Variants in HEPHL1 observed in about 807,000 individuals in gnomAD.
HEPHL1 encodes ferroxidase HEPHL1.
A neutral mutation model predicts 122.0 loss-of-function variants in HEPHL1; 123 were observed. The observed-to-expected ratio is 1.01, with a 90% confidence interval of 0.87 to 1.17. HEPHL1 has a LOEUF of 1.17. Among genes scored for constraint, HEPHL1 ranks in the 50% most tolerant of loss-of-function variants. The pLI is 0.00. For synonymous variants in HEPHL1, 527 were observed against 508.9 expected (o/e 1.04, Z -0.48); for missense variants, 1,452 against 1,430.5 (o/e 1.01, Z -0.24).
At chr11:94,030,368 A>C (rs1945662417) in intron 1 of HEPHL1, among the ~76,000 whole-genome samples, 1 of 152,208 alleles carries the variant, frequency 6.6e-6, no homozygotes, top group South Asian at 2.1e-4. Context: ...CTTTAACAGA[A>C]TCCTGAAAAA....
At chr11:94,105,704 G>A (rs1269956159) in intron 16 of HEPHL1, among the ~76,000 whole-genome samples, 2 of 152,154 alleles carry the variant, frequency 1.3e-5, no homozygotes, top group Non-Finnish European at 2.9e-5. Flanking sequence ...CAATGAGACT[G>A]TATTTCCCTT....
At chr11:94,092,073 C>G (rs929139529) in intron 12 of HEPHL1, among the ~76,000 whole-genome samples, 4 of 151,980 alleles carry the variant, frequency 2.6e-5, no homozygotes, top group Admixed American at 6.6e-5. Flanking sequence ...GAATAGAGGG[C>G]AAAGAGGAGT....
chr11:94,102,810 A>G (rs1946377922), intron 14 of HEPHL1, 104 bp from the exon 15 acceptor site: 2 of 630,404 alleles, frequency 3.2e-6, no homozygotes, highest in Non-Finnish European at 5.6e-6. Context: ...CTCTCCAGCA[A>G]TAAACATTAA....
chr11:94,085,931 C>A (rs1173382482), intron 10 of HEPHL1, 46 bp from the exon 11 acceptor site: 3 of 1,355,270 alleles, frequency 2.2e-6, no homozygotes, highest in Admixed American at 3.4e-5. Context: ...GCTCCCCTGC[C>A]CCATACACAC....
chr11:94,092,067 A>G (rs1283641806), intron 12 of HEPHL1, among the ~76,000 whole-genome samples: 1 of 152,204 alleles, frequency 6.6e-6, no homozygotes, highest in Non-Finnish European at 1.5e-5. Flanking sequence ...GTGTGTGAAT[A>G]GAGGGCAAAG....
At position 94,067,644 on chromosome 11, in the gene HEPHL1, G is replaced by C. The variant is rs778772903; in HGVS notation, c.957G>C (p.Arg319=). 2 of 1,613,794 alleles carry C rather than the reference G, an allele frequency of 1.2e-6. No individual in the cohort carries two copies. Among genetic ancestry groups the C allele is most frequent in the Non-Finnish European group, 1.7e-6 (2 of 1,179,760 alleles). The change falls in exon 5 of 20, where the codon CGG becomes CGC. Residue 319 remains arginine, a synonymous_variant. Transcript: ENST00000315765. Reference sequence around the variant, plus strand: ...ACACCTTCATCAGCAGAGGGCATCGGACTGATGTCGTCAACCTGTTCCCAG... The same window carrying C: ...ACACCTTCATCAGCAGAGGGCATCGCACTGATGTCGTCAACCTGTTCCCAG... The part of the protein sequence containing the change: ...YGNTFISRGH[R]TDVVNLFPAT...
chr11:94,028,127 A>G (rs1945642241), intron 1 of HEPHL1, among the ~76,000 whole-genome samples: 1 of 152,182 alleles, frequency 6.6e-6, no homozygotes, highest in South Asian at 2.1e-4. Flanking sequence ...CCTGCCCTCT[A>G]CACAGACATG....
At chr11:94,089,029 A>G (rs1946242750) in intron 12 of HEPHL1, 61 bp downstream of exon 12, 5 of 1,447,474 alleles carry the variant, frequency 3.5e-6, no homozygotes, top group South Asian at 1.1e-5. Context: ...GTAGGTCTTT[A>G]GTAAGTGTGG....
At chr11:94,089,017 C>G in intron 12 of HEPHL1, 49 bp downstream of exon 12, 3 of 1,524,158 alleles carry the variant, frequency 2.0e-6, no homozygotes, top group Non-Finnish European at 2.7e-6. Context: ...CGCGCATGCT[C>G]CGTAGGTCTT....
In HEPHL1 at chr11:94,111,843, G is replaced by A; in HGVS notation, c.3429G>A (p.Gln1143=). 1 of 1,535,450 alleles carries A rather than the reference G, an allele frequency of 6.5e-7. No homozygotes were observed. The highest frequency in any genetic ancestry group is 8.7e-7 in the Non-Finnish European group (1 of 1,143,878). ...LSLRLCSAMK[Q]TDYQQVQSCA... ...TCAGACTCTGCTCTGCAATGAAGCA[G>A]ACAGATTACCAGCAAGTCCAGTCCT... The change falls in exon 20 of 20, where the codon CAG becomes CAA. Residue 1143 remains glutamine (Q), a synonymous_variant. Transcript: ENST00000315765.
At chr11:94,088,145 A>ATCAGAT (rs1317114205) in intron 11 of HEPHL1, among the ~76,000 whole-genome samples, 1 of 152,220 alleles carries the variant, frequency 6.6e-6, no homozygotes, top group African/African-American at 2.4e-5. Flanking sequence ...TGTCAGTATT[A>ATCAGAT]TGTAGAAAAA....
At chr11:94,085,922 C>A in intron 10 of HEPHL1, 55 bp from the exon 11 acceptor site, 1 of 1,250,580 alleles carries the variant, frequency 8.0e-7, no homozygotes, top group Non-Finnish European at 1.2e-6. Flanking sequence ...ATATTTGAAG[C>A]TCCCCTGCCC....
chr11:94,045,968 GGTAACT>G lies in HEPHL1; in HGVS notation c.415+54_415+59del, dbSNP rs1945832529. 3.2e-6 allele frequency: 5 copies of G among 1,559,466 alleles called. No homozygotes were observed. The Admixed American group carries it at 5.3e-5, about 16-fold the overall frequency. On this transcript the variant is annotated intron_variant, in intron 2 of 19. Transcript: ENST00000315765. Reference sequence around the variant, plus strand: ...GGTCTTGTCTCTATTTCATAAGTAAGGTAACTGTCAGAGTTAAAGAGATTTTAGGAG... The same window carrying G: ...GGTCTTGTCTCTATTTCATAAGTAAGGTCAGAGTTAAAGAGATTTTAGGAG...
In HEPHL1 at chr11:94,045,920, A is replaced by C; in HGVS notation, c.415+3A>C. ...TTTCTACAACAAAGATTCAGAAGGT[A>C]AATATCAATCCTTTATTACTGGGGT... On this transcript the variant is annotated splice_donor_region_variant and intron_variant, in intron 2 of 19. Transcript: ENST00000315765. 1 of 1,613,400 alleles carries C rather than the reference A, an allele frequency of 6.2e-7. No homozygotes were observed. The highest frequency in any genetic ancestry group is 2.2e-5 in the East Asian group (1 of 44,868).
chr11:94,078,195 A>T (rs1946141444), intron 9 of HEPHL1, among the ~76,000 whole-genome samples: 1 of 152,118 alleles, frequency 6.6e-6, no homozygotes, highest in Non-Finnish European at 1.5e-5. Flanking sequence ...AAGTTTAGTT[A>T]GCAGAAAATG....
chr11:94,091,041 A>C (rs954466691), intron 12 of HEPHL1, among the ~76,000 whole-genome samples: 1 of 152,208 alleles, frequency 6.6e-6, no homozygotes, highest in Non-Finnish European at 1.5e-5. Context: ...TTGTATTCCT[A>C]GTACTCCTGA....
chr11:94,092,124 C>G (rs745747732), intron 12 of HEPHL1, among the ~76,000 whole-genome samples: 1 of 152,116 alleles, frequency 6.6e-6, no homozygotes, highest in Non-Finnish European at 1.5e-5. Context: ...TTCCACCCAA[C>G]CTAGGTAAGT....
intron 11 of HEPHL1, among the ~76,000 whole-genome samples, chr11:94,087,355 A>C (rs1313578897): frequency 6.6e-6 from 1 of 152,152 alleles, no homozygotes; most frequent in Admixed American, 6.5e-5. Flanking sequence ...TCATTACTCC[A>C]TGTGTCCTAT....
At chr11:94,105,859 G>A (rs1946403874) in intron 16 of HEPHL1, 132 bp from the exon 17 acceptor site, 1 of 533,948 alleles carries the variant, frequency 1.9e-6, no homozygotes, top group Non-Finnish European at 3.2e-6. Flanking sequence ...GACACTGCTA[G>A]GGGTGAGTGA....
Sources: allele counts gnomAD v4.1 joint callset (sites outside exome capture counted in the v4.1 genomes callset), GRCh38; gene constraint gnomAD v4.1.1; transcripts MANE v1.5; gene names NCBI Gene and HGNC (gene_info 2026-07-23, HGNC 2026-07-21).